STIM2: variants seen among roughly 807,000 people sequenced by gnomAD.
The protein encoded by STIM2 is stromal interaction molecule 2.
A neutral mutation model predicts 85.8 loss-of-function variants in STIM2; 31 were observed. The ratio of observed to expected loss-of-function variants is 0.36; its 90% CI spans 0.27 to 0.49. The LOEUF (loss-of-function observed/expected upper bound fraction) is 0.49. Ranked by LOEUF, STIM2 falls within the 20% of genes least tolerant of loss-of-function variation. The pLI, the probability that STIM2 is intolerant of heterozygous loss-of-function variation, is 0.98. For missense variants in STIM2, 841 were observed against 927.6 expected, an observed-to-expected ratio of 0.91 and a Z score of 1.21; for synonymous variants, 356 against 331.1, an observed-to-expected ratio of 1.08 and a Z score of -0.82.
At chr4:26,972,238 C>T (rs997542952) in intron 3 of STIM2, among the ~76,000 whole-genome samples, 1 of 152,118 alleles carries the variant, frequency 6.6e-6, no homozygotes, top group Non-Finnish European at 1.5e-5. Flanking sequence ...TTATTTCTTT[C>T]TCTTGCCTGA....
In STIM2 at chr4:26,943,069, C is replaced by T. The variant is rs533401806; in HGVS notation, c.283-14543C>T. ...GCATTATAACAATCTTTGAGTGGGC[C>T]CAAAAATTTGGCATCATCCTTGATG... On this transcript the variant is annotated intron_variant, in intron 2 of 11. Coordinates refer to ENST00000467087, the MANE Select transcript of STIM2 (RefSeq NM_020860.4). Among the ~76,000 whole-genome samples, 18 of 152,012 alleles carry T rather than the reference C, an allele frequency of 1.2e-4. No individual in the cohort carries two copies. In the East Asian group the frequency reaches 2.7e-3, roughly 23 times the overall value.
chr4:26,970,636 G>A (rs1726910909), intron 3 of STIM2, among the ~76,000 whole-genome samples: 1 of 152,102 alleles, frequency 6.6e-6, no homozygotes, highest in South Asian at 2.1e-4. Context: ...TCTTAATTCA[G>A]TCTATCATTG....
At chr4:26,965,866 C>G (rs1726698136) in intron 3 of STIM2, among the ~76,000 whole-genome samples, 1 of 152,140 alleles carries the variant, frequency 6.6e-6, no homozygotes, top group Non-Finnish European at 1.5e-5. Context: ...CTACCTATTA[C>G]ATCTCTCTGT....
chr4:26,891,110 A>G (rs929325426), intron 1 of STIM2, among the ~76,000 whole-genome samples: 8 of 152,178 alleles, frequency 5.3e-5, no homozygotes, highest in South Asian at 2.1e-4. Flanking sequence ...TGTGTGATGG[A>G]TAATTTTTTG....
chr4:26,977,443 T>A (rs1727241165), intron 3 of STIM2, among the ~76,000 whole-genome samples: 1 of 152,184 alleles, frequency 6.6e-6, no homozygotes. Context: ...TTCAAAATGA[T>A]TATTGTAATT....
chr4:26,885,871 A>ATATATATATATATGTATG (rs1560194736), intron 1 of STIM2, among the ~76,000 whole-genome samples: 2 of 117,898 alleles, frequency 1.7e-5, no homozygotes, highest in Non-Finnish European at 3.5e-5. Context: ...ATATATATAT[A>ATATATATATATATGTATG]TATGTATATG....
intron 1 of STIM2, among the ~76,000 whole-genome samples, chr4:26,872,148 TTAAGA>T (rs1477949587): frequency 2.0e-5 from 3 of 152,178 alleles, no homozygotes; most frequent in Admixed American, 6.5e-5. Context: ...TTGAGTGTTA[TTAAGA>T]TATTTTATGT....
intron 3 of STIM2, among the ~76,000 whole-genome samples, chr4:26,968,644 A>T (rs1393896169): frequency 2.0e-5 from 3 of 152,200 alleles, no homozygotes; most frequent in Non-Finnish European, 4.4e-5. Context: ...CATACCACTG[A>T]ATTGTATACT....
At chr4:26,861,495 C>T (rs1010146867) in intron 1 of STIM2, 126 bp downstream of exon 1, 5 of 1,216,688 alleles carry the variant, frequency 4.1e-6, no homozygotes, top group South Asian at 3.4e-5. Flanking sequence ...CGATGCGGAG[C>T]CCTGCCTGCT....
chr4:26,887,164 A>G (rs1723281850), intron 1 of STIM2, among the ~76,000 whole-genome samples: 1 of 148,748 alleles, frequency 6.7e-6, no homozygotes, highest in African/African-American at 2.5e-5. Context: ...TACAATAAGC[A>G]CCAAACCAAA....
intron 3 of STIM2, among the ~76,000 whole-genome samples, chr4:26,977,494 G>A (rs1334491086): frequency 6.6e-6 from 1 of 152,214 alleles, no homozygotes; most frequent in Non-Finnish European, 1.5e-5. Context: ...GGGGTCAGGA[G>A]TAGAAGTAGA....
chr4:26,890,651 C>T (rs55646519), intron 1 of STIM2, among the ~76,000 whole-genome samples: 5,764 of 151,736 alleles, frequency 0.038, 256 homozygotes, highest in African/African-American at 0.11. Context: ...GTTGAAACCC[C>T]GTCTCTACTA....
chr4:26,895,616 T>A (rs2109048051), intron 1 of STIM2, among the ~76,000 whole-genome samples: 1 of 152,252 alleles, frequency 6.6e-6, no homozygotes, highest in Non-Finnish European at 1.5e-5. Context: ...CATAACCCAG[T>A]TTCATCAGTT....
At chr4:26,949,124 A>G (rs1171293890) in intron 2 of STIM2, among the ~76,000 whole-genome samples, 1 of 152,030 alleles carries the variant, frequency 6.6e-6, no homozygotes, top group African/African-American at 2.4e-5. Context: ...ATAGTCTCTT[A>G]TTTTTCCTTA....
intron 1 of STIM2, among the ~76,000 whole-genome samples, chr4:26,862,317 GGTT>G (rs765527737): frequency 9.5e-4 from 60 of 63,146 alleles, no homozygotes; most frequent in South Asian, 2.7e-3. Context: ...CTAAAATAAT[GGTT>G]TTTTTTTTTT....
At chr4:26,894,896 A>T (rs1339521390) in intron 1 of STIM2, among the ~76,000 whole-genome samples, 1 of 152,180 alleles carries the variant, frequency 6.6e-6, no homozygotes, top group African/African-American at 2.4e-5. Context: ...TATAACATTC[A>T]GTCATCCAGT....
chr4:26,988,893 C>T (rs111935978), intron 3 of STIM2, among the ~76,000 whole-genome samples: 7 of 152,292 alleles, frequency 4.6e-5, no homozygotes, highest in African/African-American at 1.7e-4. Flanking sequence ...TAAATACCAA[C>T]TCTTGTTTAT....
intron 1 of STIM2, among the ~76,000 whole-genome samples, chr4:26,901,373 CATATT>C (rs978979547): frequency 2.0e-5 from 3 of 152,052 alleles, no homozygotes; most frequent in African/African-American, 7.2e-5. Context: ...ATTCAATAAA[CATATT>C]AAATTCATTA....
At chr4:26,992,059 A>T (rs971138042) in intron 3 of STIM2, among the ~76,000 whole-genome samples, 1 of 152,180 alleles carries the variant, frequency 6.6e-6, no homozygotes, top group Non-Finnish European at 1.5e-5. Context: ...AAGGAACCAG[A>T]TAATTCTTAA....
Sources: allele counts gnomAD v4.1 joint callset (sites outside exome capture counted in the v4.1 genomes callset), GRCh38; gene constraint gnomAD v4.1.1; transcripts MANE v1.5; gene names NCBI Gene and HGNC (gene_info 2026-07-23, HGNC 2026-07-21).